The following CCDC148 variants were observed in gnomAD, a reference collection of about 807,000 sequenced individuals.
CCDC148 encodes coiled-coil domain containing 148, also known as coiled-coil domain-containing protein 148.
In CCDC148, 89 loss-of-function variants were observed where a neutral mutation model predicts 85.7. That is an observed-to-expected ratio of 1.04 (90% confidence interval 0.87 to 1.24). CCDC148 has a LOEUF of 1.24. Among genes scored for constraint, CCDC148 ranks in the 50% most tolerant of loss-of-function variants. The probability of loss-of-function intolerance (pLI) is 0.00; values close to 1 mark genes in which losing one functional copy is unlikely to be tolerated. For synonymous variants in CCDC148, 230 were observed against 213.9 expected (o/e 1.08, Z -0.66); for missense variants, 692 against 671.7 (o/e 1.03, Z -0.33).
intron 11 of CCDC148, among the ~76,000 whole-genome samples, chr2:158,207,053 TTTCTA>T (rs1238758372): frequency 2.0e-5 from 3 of 152,234 alleles, no homozygotes; most frequent in Non-Finnish European, 4.4e-5. Context: ...TATCGACCAC[TTTCTA>T]TTATGGAAAG....
intron 7 of CCDC148, among the ~76,000 whole-genome samples, chr2:158,334,454 T>C (rs946983517): frequency 6.6e-6 from 1 of 152,214 alleles, no homozygotes; most frequent in Non-Finnish European, 1.5e-5. Flanking sequence ...GTCTCTATTT[T>C]CTAGAGTTAA....
chr2:158,445,746 G>A (rs1037254678), intron 1 of CCDC148, among the ~76,000 whole-genome samples: 17 of 151,882 alleles, frequency 1.1e-4, no homozygotes, highest in African/African-American at 3.9e-4. Flanking sequence ...CATTCTTTAA[G>A]TGTAATCTTG....
At chr2:158,379,113 A>C (rs1684771242) in intron 1 of CCDC148, among the ~76,000 whole-genome samples, 1 of 152,212 alleles carries the variant, frequency 6.6e-6, no homozygotes, top group African/African-American at 2.4e-5. Context: ...TCCAGATGCC[A>C]CTAAGAACAC....
chr2:158,318,284 C>T (rs1692369903), intron 7 of CCDC148, among the ~76,000 whole-genome samples: 1 of 152,156 alleles, frequency 6.6e-6, no homozygotes, highest in Admixed American at 6.5e-5. Context: ...GATCCATTCC[C>T]ACCTCCACAG....
intron 7 of CCDC148, among the ~76,000 whole-genome samples, chr2:158,335,182 CCAGATGACTG>C (rs1186007428): frequency 2.6e-5 from 4 of 152,156 alleles, no homozygotes; most frequent in Non-Finnish European, 2.9e-5. Flanking sequence ...CCTTCGGTCA[CCAGATGACTG>C]CCAGCAGTAA....
At position 158,293,104 on chromosome 2, in the gene CCDC148, A is replaced by T. The variant is rs184757809; in HGVS notation, c.1110+16329T>A. ...ACTCTAGAGCTTAAAGTAAAATTTT[A>T]AAAAAAGTACCCTTCCTTTCACATG... On this transcript the variant is annotated intron_variant, in intron 9 of 13. Transcript: ENST00000283233. Among the ~76,000 whole-genome samples the T allele has an allele frequency of 2.4e-3, 369 of 152,280 alleles. 2 individuals are homozygous for T. The highest frequency in any genetic ancestry group is 7.9e-3 in the African/African-American group (328 of 41,570).
chr2:158,325,470 G>A (rs772666499), intron 7 of CCDC148, among the ~76,000 whole-genome samples: 2 of 152,018 alleles, frequency 1.3e-5, no homozygotes, highest in Non-Finnish European at 2.9e-5. Flanking sequence ...TGTAATGTTG[G>A]CAGGCCTAAG....
chr2:158,302,779 T>TAA (rs5835699), intron 9 of CCDC148, among the ~76,000 whole-genome samples: 20 of 135,904 alleles, frequency 1.5e-4, no homozygotes, highest in African/African-American at 2.5e-4. Flanking sequence ...TGAGACTCCA[T>TAA]AAAAAAAAAA....
At chr2:158,428,474 CA>C (rs1474150220) in intron 1 of CCDC148, among the ~76,000 whole-genome samples, 1 of 151,824 alleles carries the variant, frequency 6.6e-6, no homozygotes, top group African/African-American at 2.4e-5. Flanking sequence ...GAGAAGATAG[CA>C]ATTTCATTAA....
At chr2:158,383,521 GTCT>G (rs1217729517) in intron 1 of CCDC148, among the ~76,000 whole-genome samples, 2 of 151,986 alleles carry the variant, frequency 1.3e-5, no homozygotes, top group African/African-American at 4.8e-5. Context: ...TATTTTTATT[GTCT>G]TCTTTGTGTT....
Position 158,250,791 on chromosome 2 carries a change from CT to C in CCDC148, c.1231del (p.Arg411GlufsTer8), listed in dbSNP as rs751934991. On this transcript the variant is annotated frameshift_variant, in exon 10 of 14. Coordinates refer to ENST00000283233, the MANE Select transcript of CCDC148 (RefSeq NM_138803.4). LOFTEE classifies it high-confidence loss of function. ...KLWKKKELLQRAEKKKKIKKY... is the reference protein window; with the variant it reads ...KLWKKKELLQXAEKKKKIKKY... Reference sequence around the variant, plus strand: ...TTTTACTTTTTTTTTCTTCTCTGCTCTTTGCAACAATTCCTTCTTCTTCCAC... The same window carrying C: ...TTTTACTTTTTTTTTCTTCTCTGCTCTTGCAACAATTCCTTCTTCTTCCAC... The C allele has an allele frequency of 2.7e-5, 42 of 1,582,926 alleles. No individual in the cohort carries two copies. Among genetic ancestry groups the C allele is most frequent in the Non-Finnish European group, 3.3e-5 (38 of 1,166,094 alleles).
Position 158,250,861 on chromosome 2 carries a change from T to G in CCDC148, c.1162A>C (p.Ile388Leu). ...TCCTTTTCTCTTCTTCTGGCAGAAA[T>G]TTCCATTTCCAGTCTTGCTACCTCT... The part of the protein sequence containing the change: ...QEEVARLEME[I>L]SARRREKEEE... Residue 388 changes from isoleucine to leucine, a missense_variant, in exon 10 of 14, where the codon ATT (isoleucine) becomes CTT (leucine). Transcript: ENST00000283233. 1 of 1,608,478 alleles carries G rather than the reference T, an allele frequency of 6.2e-7. No homozygotes were observed. The highest frequency in any genetic ancestry group is 1.1e-5 in the South Asian group (1 of 90,786).
chr2:158,225,832 A>G (rs1687485255), intron 10 of CCDC148, among the ~76,000 whole-genome samples: 1 of 152,160 alleles, frequency 6.6e-6, no homozygotes, highest in Non-Finnish European at 1.5e-5. Flanking sequence ...TTATAGCACT[A>G]AATGCCCACA....
chr2:158,425,081 G>T, intron 1 of CCDC148: 1 of 462,562 alleles, frequency 2.2e-6, no homozygotes, highest in Admixed American at 2.3e-5. Context: ...GGCATAATTG[G>T]AATCAATGAT....
chr2:158,421,982 A>G (rs1686815896), intron 1 of CCDC148, among the ~76,000 whole-genome samples: 1 of 152,236 alleles, frequency 6.6e-6, no homozygotes, highest in African/African-American at 2.4e-5. Context: ...TAAACTAGAA[A>G]ATCTAGAAGA....
chr2:158,181,038 C>T (rs1230086696), intron 11 of CCDC148, among the ~76,000 whole-genome samples: 2 of 152,136 alleles, frequency 1.3e-5, no homozygotes, highest in Non-Finnish European at 2.9e-5. Context: ...CACAACCTCC[C>T]TAATGAGGTT....
intron 1 of CCDC148, among the ~76,000 whole-genome samples, chr2:158,430,562 C>T (rs1374027503): frequency 1.3e-5 from 2 of 152,052 alleles, no homozygotes; most frequent in Non-Finnish European, 2.9e-5. Context: ...AGATCAGTAG[C>T]GTGACTACAG....
chr2:158,354,443 C>T (rs1683509418), intron 2 of CCDC148, among the ~76,000 whole-genome samples: 1 of 151,684 alleles, frequency 6.6e-6, no homozygotes, highest in Non-Finnish European at 1.5e-5. Context: ...GAGAATACTA[C>T]AAACACCTCT....
intron 11 of CCDC148, among the ~76,000 whole-genome samples, chr2:158,204,430 T>C (rs1162786481): frequency 6.6e-6 from 1 of 152,174 alleles, no homozygotes; most frequent in Non-Finnish European, 1.5e-5. Context: ...ATGAAAGCTA[T>C]AAGGCTTCTG....
Sources: allele counts gnomAD v4.1 joint callset (sites outside exome capture counted in the v4.1 genomes callset), GRCh38; gene constraint gnomAD v4.1.1; transcripts MANE v1.5; gene names NCBI Gene and HGNC (gene_info 2026-07-23, HGNC 2026-07-21).